MEGF6: variants seen among roughly 807,000 people sequenced by gnomAD.
MEGF6 encodes the protein multiple epidermal growth factor-like domains protein 6.
In MEGF6, 184 loss-of-function variants were observed where a neutral mutation model predicts 207.1. That is an observed-to-expected ratio of 0.89 (90% CI 0.79 to 1.00). The LOEUF is 1.00. MEGF6 is among the 50% of genes least tolerant of loss of function. The pLI is 0.00. For synonymous variants in MEGF6, 1,038 were observed against 910.0 expected, an observed-to-expected ratio of 1.14 and a Z score of -2.53; for missense variants, 2,282 against 2,202.9, an observed-to-expected ratio of 1.04 and a Z score of -0.72.
At chr1:3,592,667 G>A (rs1001841961) in intron 3 of MEGF6, among the ~76,000 whole-genome samples, 1 of 150,746 alleles carries the variant, frequency 6.6e-6, no homozygotes, top group Non-Finnish European at 1.5e-5. Flanking sequence ...CACCCTTGGG[G>A]CTCAGGGGTA....
At chr1:3,610,714 T>C (rs1268055457) in intron 1 of MEGF6, among the ~76,000 whole-genome samples, 1 of 152,204 alleles carries the variant, frequency 6.6e-6, no homozygotes, top group African/African-American at 2.4e-5. Context: ...ATCTGGGCAC[T>C]GCTCGCCCCT....
chr1:3,586,720 G>A (rs1366622654), intron 3 of MEGF6, among the ~76,000 whole-genome samples: 1 of 152,202 alleles, frequency 6.6e-6, no homozygotes, highest in African/African-American at 2.4e-5. Flanking sequence ...AATGGAGGGC[G>A]GCCCGGGGTC....
At chr1:3,619,510 G>A in the MEGF6 span, among the ~76,000 whole-genome samples, 25 of 152,222 alleles carry the variant, frequency 1.6e-4, no homozygotes, top group African/African-American at 5.3e-4. Flanking sequence ...GAGGGGCCTG[G>A]TGGGAAGAGA....
chr1:3,567,155 A>C (rs1336690344), intron 4 of MEGF6, among the ~76,000 whole-genome samples: 2 of 152,226 alleles, frequency 1.3e-5, no homozygotes, highest in Admixed American at 1.3e-4. Context: ...CTACCCTGCC[A>C]GAGTGCTAGA....
intron 2 of MEGF6, among the ~76,000 whole-genome samples, chr1:3,600,886 G>C (rs1424021962): frequency 3.9e-5 from 6 of 152,174 alleles, no homozygotes; most frequent in African/African-American, 1.2e-4. Flanking sequence ...AACAGCCCAG[G>C]GTCCTCGGAG....
At chr1:3,602,248 G>C (rs372464689) in intron 2 of MEGF6, among the ~76,000 whole-genome samples, 1 of 152,184 alleles carries the variant, frequency 6.6e-6, no homozygotes, top group African/African-American at 2.4e-5. Context: ...TCAGGTGCTC[G>C]GCTAAACAGG....
At chr1:3,599,275 C>T (rs114738346) in intron 2 of MEGF6, among the ~76,000 whole-genome samples, 1 of 152,232 alleles carries the variant, frequency 6.6e-6, no homozygotes, top group Non-Finnish European at 1.5e-5. Context: ...TGGCCTCCCC[C>T]CCAGAGCTCA....
At chr1:3,515,890 G>A (rs904082570) in intron 5 of MEGF6, among the ~76,000 whole-genome samples, 3 of 152,220 alleles carry the variant, frequency 2.0e-5, no homozygotes, top group African/African-American at 4.8e-5. Context: ...AGCTGCAAGC[G>A]AGGGCTCAGT....
intron 35 of MEGF6, 93 bp downstream of exon 35, chr1:3,492,546 G>A (rs371696890): frequency 1.1e-4 from 169 of 1,553,724 alleles, no homozygotes; most frequent in East Asian, 4.5e-4. Context: ...GGCCAACTCC[G>A]CAGTGGGTGA....
intron 4 of MEGF6, among the ~76,000 whole-genome samples, chr1:3,558,362 C>T (rs552258898): frequency 1.4e-4 from 21 of 152,166 alleles, no homozygotes; most frequent in Non-Finnish European, 2.8e-4. Context: ...AGGTCTGGTG[C>T]GGTGGCTCAC....
intron 1 of MEGF6, among the ~76,000 whole-genome samples, chr1:3,607,014 A>C (rs941877202): frequency 1.3e-5 from 2 of 152,012 alleles, no homozygotes; most frequent in African/African-American, 4.8e-5. Context: ...CTGAGCCCTC[A>C]ATTCAGCATC....
intron 3 of MEGF6, among the ~76,000 whole-genome samples, chr1:3,591,990 G>A (rs911566404): frequency 2.0e-5 from 3 of 152,180 alleles, no homozygotes; most frequent in Non-Finnish European, 1.5e-5. Flanking sequence ...GACGGGCATC[G>A]GCATCCGGCC....
the MEGF6 span, among the ~76,000 whole-genome samples, chr1:3,622,577 G>A: frequency 6.6e-6 from 1 of 152,220 alleles, no homozygotes; most frequent in South Asian, 2.1e-4. Context: ...TAATCCAACA[G>A]GGATGTTGCA....
chr1:3,595,927 G>C (rs1314155735), intron 2 of MEGF6, among the ~76,000 whole-genome samples: 1 of 152,156 alleles, frequency 6.6e-6, no homozygotes, highest in South Asian at 2.1e-4. Flanking sequence ...CCAGGCAGGG[G>C]AGGTGCCAGT....
At position 3,543,311 on chromosome 1, in the gene MEGF6, C is replaced by T. The variant is rs558458843; in HGVS notation, c.482-19065G>A. Reference sequence around the variant, plus strand: ...CCCTGCCAGGGGTCCCCAGGCCCTGCGGGTGACCAAGCAACGCGGCCCTTC... The same window carrying T: ...CCCTGCCAGGGGTCCCCAGGCCCTGTGGGTGACCAAGCAACGCGGCCCTTC... On this transcript the variant is annotated intron_variant, in intron 4 of 36. Transcript: ENST00000356575. Among the ~76,000 whole-genome samples the T allele has an allele frequency of 1.4e-4, 22 of 152,374 alleles. 1 individual carries two copies. In the South Asian group the frequency reaches 3.9e-3, roughly 27 times the overall value.
intron 4 of MEGF6, among the ~76,000 whole-genome samples, chr1:3,548,087 GA>G (rs1345441849): frequency 6.6e-6 from 1 of 152,204 alleles, no homozygotes; most frequent in African/African-American, 2.4e-5. Flanking sequence ...GCTGCATGGG[GA>G]TCGGAACCTG....
intron 4 of MEGF6, chr1:3,531,451 C>T: frequency 1.8e-6 from 2 of 1,104,594 alleles, no homozygotes; most frequent in South Asian, 4.4e-5. Context: ...AAGTTCTCAG[C>T]TTTCCCTCCG....
chr1:3,524,579 A>G (rs574463329), intron 4 of MEGF6, among the ~76,000 whole-genome samples: 117 of 152,328 alleles, frequency 7.7e-4, no homozygotes, highest in African/African-American at 2.7e-3. Flanking sequence ...CCAAATCTAC[A>G]AAGTGCTTCC....
chr1:3,583,850 C>G (rs61762197), intron 3 of MEGF6, among the ~76,000 whole-genome samples: 329 of 2,458 alleles, frequency 0.13, 2 homozygotes, highest in East Asian at 0.38. Context: ...ACCAGACAAC[C>G]CGCAGCCACC....
Sources: allele counts gnomAD v4.1 joint callset (sites outside exome capture counted in the v4.1 genomes callset), GRCh38; gene constraint gnomAD v4.1.1; transcripts MANE v1.5; gene names NCBI Gene and HGNC (gene_info 2026-07-23, HGNC 2026-07-21).